RHOBTB1: variants seen among roughly 807,000 people sequenced by gnomAD.
RHOBTB1 encodes the protein Rho related BTB domain containing 1.
Under a neutral mutation model 71.6 loss-of-function variants are expected in RHOBTB1, and 40 were observed. That is an observed-to-expected ratio of 0.56 (90% CI 0.43 to 0.73). RHOBTB1 has a LOEUF of 0.73. Ranked by LOEUF, RHOBTB1 falls within the 30% of genes least tolerant of loss-of-function variation. The pLI, the probability that RHOBTB1 is intolerant of heterozygous loss-of-function variation, is 0.00. For missense variants in RHOBTB1, 797 were observed against 894.0 expected (o/e 0.89, Z 1.38); for synonymous variants, 319 against 334.9 (o/e 0.95, Z 0.52).
chr10:60,908,185 C>T (rs1246729215), intron 4 of RHOBTB1, among the ~76,000 whole-genome samples: 1 of 152,228 alleles, frequency 6.6e-6, no homozygotes, highest in East Asian at 1.9e-4. Flanking sequence ...AGAATCCTCT[C>T]TGCAAACTAG....
intron 4 of RHOBTB1, among the ~76,000 whole-genome samples, chr10:60,897,294 A>T (rs895865105): frequency 6.6e-6 from 1 of 152,210 alleles, no homozygotes; most frequent in Non-Finnish European, 1.5e-5. Flanking sequence ...GAAATACCAG[A>T]TTCATCCTTT....
chr10:60,919,520 G>A (rs908663968), intron 2 of RHOBTB1, among the ~76,000 whole-genome samples: 1 of 152,164 alleles, frequency 6.6e-6, no homozygotes, highest in African/African-American at 2.4e-5. Flanking sequence ...TGCAAGGGCT[G>A]GGCTGGACTT....
intron 2 of RHOBTB1, among the ~76,000 whole-genome samples, chr10:60,977,037 G>A (rs1328504887): frequency 6.6e-6 from 1 of 151,988 alleles, no homozygotes; most frequent in East Asian, 1.9e-4. Context: ...CTTGAGATCT[G>A]TAAATGAAGG....
intron 2 of RHOBTB1, among the ~76,000 whole-genome samples, chr10:60,913,646 T>C (rs1200851524): frequency 6.6e-6 from 1 of 151,908 alleles, no homozygotes; most frequent in African/African-American, 2.4e-5. Context: ...GAGGAGGGAG[T>C]TCTGCTTCTA....
intron 1 of RHOBTB1, among the ~76,000 whole-genome samples, chr10:60,996,619 C>T (rs2087061389): frequency 6.6e-6 from 1 of 152,252 alleles, no homozygotes; most frequent in Non-Finnish European, 1.5e-5. Flanking sequence ...GCCATGGGGG[C>T]ATTTTTCTCA....
At chr10:60,862,692 TTTC>T in the RHOBTB1 span, among the ~76,000 whole-genome samples, 2 of 151,110 alleles carry the variant, frequency 1.3e-5, no homozygotes, top group East Asian at 1.9e-4. Flanking sequence ...TTACTTCCTC[TTTC>T]TTTTCTCTTT....
intron 2 of RHOBTB1, among the ~76,000 whole-genome samples, chr10:60,927,547 A>G (rs534478809): frequency 6.6e-6 from 1 of 152,334 alleles, no homozygotes; most frequent in African/African-American, 2.4e-5. Context: ...TAGAGAACCC[A>G]GAAAAAAATT....
chr10:60,923,123 C>T (rs181123019), intron 2 of RHOBTB1, among the ~76,000 whole-genome samples: 4 of 152,176 alleles, frequency 2.6e-5, no homozygotes, highest in Non-Finnish European at 4.4e-5. Flanking sequence ...TACTTCAATC[C>T]TTGGCCTTTG....
At chr10:60,887,101 G>A (rs867223500) in intron 6 of RHOBTB1, among the ~76,000 whole-genome samples, 3 of 149,422 alleles carry the variant, frequency 2.0e-5, no homozygotes, top group African/African-American at 7.4e-5. Context: ...GAATCCAATT[G>A]AGACTCCCAC....
At chr10:60,983,847 T>C (rs544313101) in intron 2 of RHOBTB1, among the ~76,000 whole-genome samples, 12 of 152,348 alleles carry the variant, frequency 7.9e-5, no homozygotes, top group Admixed American at 5.2e-4. Context: ...GCCCTCCTTC[T>C]GGCCTGTCCC....
rs114113303 is a variant in RHOBTB1 at position 60,928,823 on chromosome 10, A to G, written c.-11+12981T>C. On this transcript the variant is annotated intron_variant, in intron 2 of 10. Coordinates refer to ENST00000337910, the MANE Select transcript of RHOBTB1 (RefSeq NM_014836.5). Reference sequence around the variant, plus strand: ...AAAAAAATGATAAATGCTTGAGGTTATGGAAACCCCAATGTAGTAGTCTGT... The same window carrying G: ...AAAAAAATGATAAATGCTTGAGGTTGTGGAAACCCCAATGTAGTAGTCTGT... Among the ~76,000 whole-genome samples the G allele has an allele frequency of 1.2e-3, 183 of 152,296 alleles. 1 individual carries two copies. The highest frequency in any genetic ancestry group is 4.3e-3 in the African/African-American group (177 of 41,568).
intron 7 of RHOBTB1, 104 bp from the exon 8 acceptor site, chr10:60,878,162 G>A: frequency 1.2e-6 from 1 of 868,360 alleles, no homozygotes; most frequent in Non-Finnish European, 1.8e-6. Context: ...TGATATTGGT[G>A]AGTGTTGGAC....
At chr10:60,953,745 C>T (rs759926673) in intron 2 of RHOBTB1, among the ~76,000 whole-genome samples, 15 of 151,742 alleles carry the variant, frequency 9.9e-5, no homozygotes, top group South Asian at 2.1e-4. Context: ...TGTTTCTTCT[C>T]GATAAAACAG....
At chr10:60,975,163 T>A (rs2086276325) in intron 2 of RHOBTB1, among the ~76,000 whole-genome samples, 1 of 152,086 alleles carries the variant, frequency 6.6e-6, no homozygotes, top group Non-Finnish European at 1.5e-5. Context: ...TAGATATAAA[T>A]CCAGGTATAT....
chr10:60,889,258 G>A, intron 5 of RHOBTB1, 73 bp from the exon 6 acceptor site: 1 of 1,437,572 alleles, frequency 7.0e-7, no homozygotes, highest in Non-Finnish European at 9.3e-7. Flanking sequence ...GCCTATCTAA[G>A]CACCTAATGG....
chr10:60,914,205 G>T (rs2083148028), intron 2 of RHOBTB1, among the ~76,000 whole-genome samples: 1 of 152,188 alleles, frequency 6.6e-6, no homozygotes, highest in Admixed American at 6.5e-5. Context: ...TGTGGAGGGG[G>T]CAGGGAGGAG....
intron 2 of RHOBTB1, among the ~76,000 whole-genome samples, chr10:60,957,179 A>G (rs1175654966): frequency 6.6e-6 from 1 of 152,238 alleles, no homozygotes; most frequent in African/African-American, 2.4e-5. Flanking sequence ...TACAAACAGG[A>G]GTACGTTCTA....
chr10:60,969,997 C>G (rs949616069), intron 2 of RHOBTB1, among the ~76,000 whole-genome samples: 7 of 152,032 alleles, frequency 4.6e-5, no homozygotes, highest in Non-Finnish European at 8.8e-5. Context: ...ACTGGGCCAA[C>G]CGTTTGATTG....
At chr10:60,903,670 GT>G (rs2082519997) in intron 4 of RHOBTB1, among the ~76,000 whole-genome samples, 2 of 44,536 alleles carry the variant, frequency 4.5e-5, no homozygotes, top group African/African-American at 1.8e-4. Context: ...AGGCCCCTGG[GT>G]CAGACTATGG....
Sources: allele counts gnomAD v4.1 joint callset (sites outside exome capture counted in the v4.1 genomes callset), GRCh38; gene constraint gnomAD v4.1.1; transcripts MANE v1.5; gene names NCBI Gene and HGNC (gene_info 2026-07-23, HGNC 2026-07-21).